HUNK: variants seen among roughly 807,000 people sequenced by gnomAD.
The protein encoded by HUNK is hormonally up-regulated Neu-associated kinase, also known as hormonally up-regulated neu tumor-associated kinase.
In HUNK, 21 loss-of-function variants were observed where a neutral mutation model predicts 61.0. The ratio of observed to expected loss-of-function variants is 0.34; its 90% CI spans 0.24 to 0.50. HUNK has a LOEUF of 0.50. HUNK is among the 20% of genes least tolerant of loss of function. The pLI is 0.98. For missense variants in HUNK, 772 were observed against 945.7 expected (o/e 0.82, Z 2.41); for synonymous variants, 371 against 386.1 (o/e 0.96, Z 0.46).
intron 6 of HUNK, among the ~76,000 whole-genome samples, chr21:31,971,164 C>T (rs866913497): frequency 1.8e-4 from 28 of 152,160 alleles, no homozygotes; most frequent in Middle Eastern, 6.8e-3. Context: ...CTGCAACCTC[C>T]GCCTCCTGGG....
At chr21:31,899,921 G>T (rs2052452408) in intron 1 of HUNK, among the ~76,000 whole-genome samples, 1 of 152,012 alleles carries the variant, frequency 6.6e-6, no homozygotes, top group Non-Finnish European at 1.5e-5. Flanking sequence ...GGGATTACAG[G>T]TGCCTATCAC....
chr21:31,971,615 T>G (rs2053011650), intron 6 of HUNK, among the ~76,000 whole-genome samples: 1 of 152,174 alleles, frequency 6.6e-6, no homozygotes, highest in Non-Finnish European at 1.5e-5. Context: ...TTGTCAATAT[T>G]TTTCTTTTGA....
Position 31,924,471 on chromosome 21 carries a change from G to A in HUNK, c.265G>A (p.Ala89Thr). The change falls in exon 2 of 11, where the codon GCC (alanine) becomes ACC (threonine). Residue 89 changes from alanine to threonine, a missense_variant. Around this residue, in one of 2 missense-constraint regions of HUNK, gnomAD observed 359 missense variants for 501.3 expected, o/e 0.72. Transcript: ENST00000270112. This position sits in a 1 kb window ranked among gnomAD's most constrained non-coding sequence, Gnocchi z 5.1. ...GLHVLTGEKV[A>T]IKVIDKKRAK... ...CATGTTCTTGTTTTCTCCTTAGGTG[G>A]CCATAAAAGTCATTGATAAGAAGAG... is the stretch of plus-strand genomic sequence containing the variant. 1 of 1,612,160 alleles carries A rather than the reference G, an allele frequency of 6.2e-7. No individual in the cohort carries two copies. The highest frequency in any genetic ancestry group is 8.5e-7 in the Non-Finnish European group (1 of 1,179,352).
chr21:31,989,629 G>A (rs1254430993), intron 8 of HUNK, among the ~76,000 whole-genome samples: 3 of 148,236 alleles, frequency 2.0e-5, no homozygotes, highest in African/African-American at 7.5e-5. Flanking sequence ...CAGGAGAATC[G>A]CTTGAACCTG....
At chr21:31,930,322 T>C (rs1312095980) in intron 2 of HUNK, among the ~76,000 whole-genome samples, 4 of 152,216 alleles carry the variant, frequency 2.6e-5, no homozygotes, top group Non-Finnish European at 5.9e-5. Context: ...ACTGAGACTC[T>C]GTGTAAGGAC....
intron 1 of HUNK, among the ~76,000 whole-genome samples, chr21:31,923,562 G>C (rs555762132): frequency 8.0e-6 from 1 of 124,678 alleles, no homozygotes; most frequent in Non-Finnish European, 1.6e-5. Context: ...AAGAAGGAAG[G>C]AAGGAAGGAA....
intron 1 of HUNK, among the ~76,000 whole-genome samples, chr21:31,888,159 C>T (rs1026900384): frequency 2.0e-5 from 3 of 151,940 alleles, no homozygotes; most frequent in Admixed American, 2.0e-4. Flanking sequence ...TTGAGGAAGC[C>T]CCTCAGATAA....
chr21:31,966,120 T>C (rs2052964610), intron 5 of HUNK, among the ~76,000 whole-genome samples: 1 of 152,154 alleles, frequency 6.6e-6, no homozygotes, highest in African/African-American at 2.4e-5. Context: ...CTTTGCACCT[T>C]CATAGCTTAG....
At chr21:31,965,683 A>G (rs941860244) in intron 5 of HUNK, among the ~76,000 whole-genome samples, 1 of 149,256 alleles carries the variant, frequency 6.7e-6, no homozygotes, top group Non-Finnish European at 1.5e-5. Flanking sequence ...CTCACTGCAA[A>G]CTCTGCCTCC....
intron 1 of HUNK, among the ~76,000 whole-genome samples, chr21:31,922,934 G>C (rs964732362): frequency 1.3e-5 from 2 of 152,188 alleles, no homozygotes; most frequent in African/African-American, 2.4e-5. Context: ...CCTGCACCCG[G>C]AGGCTCCATA....
At chr21:31,909,784 A>G (rs998684667) in intron 1 of HUNK, among the ~76,000 whole-genome samples, 1 of 152,236 alleles carries the variant, frequency 6.6e-6, no homozygotes, top group Admixed American at 6.5e-5. Context: ...TCTGTTAAAT[A>G]AGTATTGTCC....
chr21:31,985,182 C>T (rs2053124439), intron 8 of HUNK, among the ~76,000 whole-genome samples: 1 of 152,184 alleles, frequency 6.6e-6, no homozygotes, highest in Admixed American at 6.5e-5. Flanking sequence ...TCAAGTCACC[C>T]ACCCAGAAGT....
chr21:31,971,073 A>C (rs893473362), intron 6 of HUNK, among the ~76,000 whole-genome samples: 4 of 316 alleles, frequency 0.013, no homozygotes, highest in Non-Finnish European at 0.017. Flanking sequence ...CTTTATTTTT[A>C]TTTATTTATT....
rs148451204 is a variant in HUNK at position 31,931,498 on chromosome 21, T to C, written c.554+6738T>C. 2.7e-3 allele frequency among the ~76,000 whole-genome samples: 417 copies of C among 152,244 alleles called. 5 individuals are homozygous for C. The highest frequency in any genetic ancestry group is 9.5e-3 in the African/African-American group (394 of 41,526). Reference sequence around the variant, plus strand: ...TGCCAGTGGCCCTGCTGGGTAACCCTTCTCATGATGGTCGGGTTCCAGGGG... The same window carrying C: ...TGCCAGTGGCCCTGCTGGGTAACCCCTCTCATGATGGTCGGGTTCCAGGGG... On this transcript the variant is annotated intron_variant, in intron 2 of 10. Transcript: ENST00000270112.
rs1253133274 is a variant in HUNK, at chr21:32,002,582, T to C, written c.*3398T>C. The C allele has an allele frequency of 6.6e-6, 1 of 152,236 alleles. No homozygotes were observed. The highest frequency in any genetic ancestry group is 2.4e-5 in the African/African-American group (1 of 41,464). 9.4% of individuals were successfully genotyped at this position (152,236 alleles called of 1,614,324 possible). A position where few individuals can be genotyped will look rare whatever the true frequency, so the allele number is the denominator to read the frequency against. Reference sequence around the variant, plus strand: ...TCATTTGGGGATATTAGGATCTTCCTTGGAGACTCTGAAAATGGCACACAA... The same window carrying C: ...TCATTTGGGGATATTAGGATCTTCCCTGGAGACTCTGAAAATGGCACACAA... On this transcript the variant is annotated 3_prime_UTR_variant, in exon 11 of 11. Transcript: ENST00000270112.
chr21:31,885,867 T>G (rs1601358617), intron 1 of HUNK, among the ~76,000 whole-genome samples: 1 of 152,164 alleles, frequency 6.6e-6, no homozygotes, highest in Admixed American at 6.5e-5. Flanking sequence ...CCTGAGTAGC[T>G]GGGATGACAG....
At chr21:31,938,295 C>G (rs1003458103) in intron 2 of HUNK, among the ~76,000 whole-genome samples, 4 of 152,064 alleles carry the variant, frequency 2.6e-5, no homozygotes, top group African/African-American at 9.7e-5. Context: ...CCTTCACAAT[C>G]TCACGTCCTT....
intron 2 of HUNK, among the ~76,000 whole-genome samples, chr21:31,929,759 G>C (rs1292071090): frequency 6.6e-6 from 1 of 152,214 alleles, no homozygotes; most frequent in Non-Finnish European, 1.5e-5. Context: ...CAACACCGTG[G>C]CTCCCAGGGC....
At chr21:31,889,918 C>A (rs907166164) in intron 1 of HUNK, among the ~76,000 whole-genome samples, 4 of 152,088 alleles carry the variant, frequency 2.6e-5, no homozygotes, top group African/African-American at 9.7e-5. Flanking sequence ...ACATATTACT[C>A]AACAGTGCAT....
Sources: gnomAD v4.1 joint callset for allele counts (sites outside exome capture counted in the v4.1 genomes callset) on GRCh38, gnomAD v4.1.1 for gene constraint, gnomAD v4.1.1 regional missense constraint, Gnocchi (gnomAD v3.1) non-coding constraint, MANE v1.5 for transcripts, NCBI Gene and HGNC (gene_info 2026-07-23, HGNC 2026-07-21) for gene names.